Variants in ESRRG observed in about 807,000 individuals in gnomAD.
ESRRG encodes estrogen related receptor gamma.
A neutral mutation model predicts 44.0 loss-of-function variants in ESRRG; 13 were observed. That is an observed-to-expected ratio of 0.30 (90% CI 0.19 to 0.47). The LOEUF (loss-of-function observed/expected upper bound fraction) is 0.47, where lower values mean the gene tolerates loss of function less well. Ranked by LOEUF, ESRRG falls within the 20% of genes least tolerant of loss-of-function variation. The probability of loss-of-function intolerance (pLI) is 1.00; values close to 1 mark genes in which losing one functional copy is unlikely to be tolerated. For synonymous variants in ESRRG, 215 were observed against 214.6 expected, an observed-to-expected ratio of 1.00 and a Z score of -0.02; for missense variants, 395 against 580.6, an observed-to-expected ratio of 0.68 and a Z score of 3.29.
At chr1:216,573,625 A>G (rs1038779278) in intron 3 of ESRRG, among the ~76,000 whole-genome samples, 5 of 152,026 alleles carry the variant, frequency 3.3e-5, no homozygotes, top group South Asian at 2.1e-4. Context: ...CAGCCAAATA[A>G]TAATACTATT....
At chr1:216,721,156 T>TA (rs942371799) in intron 1 of ESRRG, among the ~76,000 whole-genome samples, 3 of 152,154 alleles carry the variant, frequency 2.0e-5, no homozygotes, top group East Asian at 1.9e-4. Flanking sequence ...TTTCCTAAAA[T>TA]AAAAAAATAC....
chr1:216,822,742 T>C (rs915820361), intron 2 of ESRRG, among the ~76,000 whole-genome samples: 4 of 152,194 alleles, frequency 2.6e-5, no homozygotes, highest in African/African-American at 9.6e-5. Context: ...AACAAAGCTC[T>C]TGAACTTTAA....
Position 216,503,880 on chromosome 1 carries a change from A to C in ESRRG, c.*3059T>G, listed in dbSNP as rs901509232. 1 of 152,554 alleles carries C rather than the reference A, an allele frequency of 6.6e-6. No individual in the cohort carries two copies. The highest frequency in any genetic ancestry group is 1.5e-5 in the Non-Finnish European group (1 of 67,982). The allele number at this position is 152,554 out of a possible 1,614,324, so 9.5% of individuals were successfully genotyped here. Reference sequence around the variant, plus strand: ...AAAATTAAAATCATATGGCTAAAACATACACCTTTATAACTTTCCAAAACT... The same window carrying C: ...AAAATTAAAATCATATGGCTAAAACCTACACCTTTATAACTTTCCAAAACT... On this transcript the variant is annotated 3_prime_UTR_variant, in exon 7 of 7. Transcript: ENST00000408911.
At chr1:216,835,861 A>T (rs1295282687) in intron 2 of ESRRG, among the ~76,000 whole-genome samples, 2 of 152,188 alleles carry the variant, frequency 1.3e-5, no homozygotes, top group Non-Finnish European at 2.9e-5. Context: ...AGCTAAAGCG[A>T]TTTTTTAATG....
At chr1:217,055,739 A>G (rs2086951091) in intron 1 of ESRRG, among the ~76,000 whole-genome samples, 1 of 135,096 alleles carries the variant, frequency 7.4e-6, no homozygotes, top group African/African-American at 2.5e-5. Flanking sequence ...CATTTACACT[A>G]CATGAGGCCA....
intron 6 of ESRRG, among the ~76,000 whole-genome samples, chr1:216,510,677 A>T (rs1030273043): frequency 3.3e-5 from 5 of 152,154 alleles, no homozygotes; most frequent in Non-Finnish European, 7.3e-5. Flanking sequence ...CGAGGTCAGG[A>T]GATCGAGACC....
At chr1:217,119,062 C>T (rs572084209) in intron 1 of ESRRG, among the ~76,000 whole-genome samples, 1 of 151,928 alleles carries the variant, frequency 6.6e-6, no homozygotes, top group African/African-American at 2.4e-5. Flanking sequence ...GACACAGATA[C>T]AGATACAGAT....
At chr1:217,128,939 C>T (rs1054496497) in intron 1 of ESRRG, among the ~76,000 whole-genome samples, 1 of 152,034 alleles carries the variant, frequency 6.6e-6, no homozygotes, top group Non-Finnish European at 1.5e-5. Flanking sequence ...AAGTTGGAGA[C>T]CAGCCTGGGC....
chr1:216,685,361 A>G (rs1040952778), intron 1 of ESRRG, among the ~76,000 whole-genome samples: 3 of 152,354 alleles, frequency 2.0e-5, no homozygotes, highest in Admixed American at 1.3e-4. Flanking sequence ...CCTCCTCTGC[A>G]GTAAGCTTTC....
chr1:216,840,228 A>T (rs1477700683), intron 2 of ESRRG, among the ~76,000 whole-genome samples: 1 of 151,258 alleles, frequency 6.6e-6, no homozygotes, highest in Admixed American at 6.6e-5. Flanking sequence ...TGAAATGAGC[A>T]CCTGCTGCTT....
chr1:216,536,531 T>A (rs955642160), intron 5 of ESRRG, among the ~76,000 whole-genome samples: 1 of 152,092 alleles, frequency 6.6e-6, no homozygotes, highest in African/African-American at 2.4e-5. Flanking sequence ...TCCCAACTTA[T>A]GATTTCCCTG....
chr1:216,662,563 G>A (rs1486010981), intron 2 of ESRRG, among the ~76,000 whole-genome samples: 2 of 152,058 alleles, frequency 1.3e-5, no homozygotes, highest in Non-Finnish European at 2.9e-5. Context: ...TTTCAGATAA[G>A]TGCCTCGCAT....
chr1:216,536,262 C>A (rs2050930233), intron 5 of ESRRG, among the ~76,000 whole-genome samples: 1 of 152,034 alleles, frequency 6.6e-6, no homozygotes, highest in Non-Finnish European at 1.5e-5. Flanking sequence ...CTTTATATTT[C>A]TGGTTTTTTA....
chr1:216,731,046 A>C (rs1303862063), intron 2 of ESRRG, among the ~76,000 whole-genome samples: 1 of 152,196 alleles, frequency 6.6e-6, no homozygotes, highest in Non-Finnish European at 1.5e-5. Flanking sequence ...CAGTACCTAA[A>C]ACTGTGACCC....
intron 1 of ESRRG, among the ~76,000 whole-genome samples, chr1:217,097,431 A>G (rs1360796947): frequency 1.3e-5 from 2 of 152,200 alleles, no homozygotes; most frequent in Non-Finnish European, 2.9e-5. Flanking sequence ...AGAAAATAAC[A>G]CTGACTTCAT....
At chr1:216,967,051 C>T (rs140344188) in intron 1 of ESRRG, among the ~76,000 whole-genome samples, 136 of 152,188 alleles carry the variant, frequency 8.9e-4, no homozygotes, top group African/African-American at 1.5e-3. Context: ...TTGTCTTCTA[C>T]TCTTTTTAAG....
At chr1:216,812,422 G>A (rs1356553552) in intron 2 of ESRRG, among the ~76,000 whole-genome samples, 3 of 152,062 alleles carry the variant, frequency 2.0e-5, no homozygotes, top group Middle Eastern at 3.2e-3. Flanking sequence ...ATTTCGGGGA[G>A]TCCCTTGGTC....
At chr1:217,010,196 C>T (rs2078367885) in intron 1 of ESRRG, among the ~76,000 whole-genome samples, 2 of 152,106 alleles carry the variant, frequency 1.3e-5, no homozygotes, top group South Asian at 4.1e-4. Flanking sequence ...TAGTCATTAA[C>T]ACAATTTCTG....
chr1:216,646,722 T>A (rs980531337), intron 3 of ESRRG, among the ~76,000 whole-genome samples: 4 of 152,134 alleles, frequency 2.6e-5, no homozygotes, highest in Non-Finnish European at 5.9e-5. Flanking sequence ...ATTTTACAGA[T>A]GACAAAATAG....
Sources: gnomAD v4.1 joint callset for allele counts (sites outside exome capture counted in the v4.1 genomes callset) on GRCh38, gnomAD v4.1.1 for gene constraint, MANE v1.5 for transcripts, NCBI Gene and HGNC (gene_info 2026-07-23, HGNC 2026-07-21) for gene names.